Variants in GPC1 observed in about 807,000 individuals in gnomAD.
GPC1 encodes glypican-1.
Under a neutral mutation model 51.5 loss-of-function variants are expected in GPC1, and 26 were observed. The observed-to-expected ratio is 0.50, with a 90% CI of 0.37 to 0.70. The LOEUF (loss-of-function observed/expected upper bound fraction) is 0.70, where lower values mean the gene tolerates loss of function less well. GPC1 is among the 30% of genes least tolerant of loss of function. The pLI is 0.00. For missense variants in GPC1, 775 were observed against 800.5 expected, an observed-to-expected ratio of 0.97 and a Z score of 0.38; for synonymous variants, 380 against 348.3, an observed-to-expected ratio of 1.09 and a Z score of -1.01.
At chr2:240,444,357 G>C (rs2074036363) in intron 1 of GPC1, among the ~76,000 whole-genome samples, 1 of 152,206 alleles carries the variant, frequency 6.6e-6, no homozygotes, top group South Asian at 2.1e-4. Context: ...GAGAAACTTG[G>C]CTGGGGCTTC....
intron 1 of GPC1, chr2:240,456,620 G>A (rs754468947): frequency 2.1e-6 from 1 of 470,806 alleles, no homozygotes; most frequent in Admixed American, 2.3e-5. Context: ...GCTGACCTGT[G>A]CTCTCCTGGT....
chr2:240,442,604 G>T (rs1455968478), intron 1 of GPC1: 1 of 152,200 alleles, frequency 6.6e-6, no homozygotes, highest in Non-Finnish European at 1.5e-5. Flanking sequence ...ATTGGGTCAG[G>T]GCCCACCGGT....
intron 1 of GPC1, among the ~76,000 whole-genome samples, chr2:240,436,374 G>C (rs1574752475): frequency 6.6e-6 from 1 of 152,100 alleles, no homozygotes; most frequent in East Asian, 1.9e-4. Context: ...TGATCTCGCC[G>C]GGCTGCGGGC....
chr2:240,439,429 G>A (rs556477821), intron 1 of GPC1, among the ~76,000 whole-genome samples: 8 of 152,256 alleles, frequency 5.3e-5, no homozygotes, highest in Admixed American at 2.6e-4. Context: ...TGGGACTGTC[G>A]GTGGCACAGA....
chr2:240,464,736 T>G lies in GPC1; in HGVS notation c.1004T>G (p.Leu335Arg). The G allele has an allele frequency of 1.9e-6, 3 of 1,609,002 alleles. No individual in the cohort carries two copies. Among genetic ancestry groups the G allele is most frequent in the Non-Finnish European group, 1.7e-6 (2 of 1,178,128 alleles). The change falls in exon 5 of 9, where the codon CTC (leucine) becomes CGC (arginine). Residue 335 changes from leucine to arginine, a missense_variant. Coordinates refer to ENST00000264039, the MANE Select transcript of GPC1 (RefSeq NM_002081.3). ...INALQDNRDTLTAKVIQGCGN... is the reference protein window; with the variant it reads ...INALQDNRDTRTAKVIQGCGN... ...GCCCTCCAGGACAACAGGGACACGC[T>G]CACGGCCAAGGTGCGGGCAGGAGGA...
chr2:240,450,796 G>A (rs2074092149), intron 1 of GPC1: 2 of 469,954 alleles, frequency 4.3e-6, no homozygotes, highest in South Asian at 1.6e-5. Context: ...CAGTACCAGG[G>A]TACCAGGGCC....
At chr2:240,455,366 C>T (rs1457362659) in intron 1 of GPC1, among the ~76,000 whole-genome samples, 1 of 152,198 alleles carries the variant, frequency 6.6e-6, no homozygotes, top group Non-Finnish European at 1.5e-5. Context: ...AGAGAGGGTC[C>T]AGTCCCTGGC....
chr2:240,449,510 A>G, intron 1 of GPC1: 1 of 239,734 alleles, frequency 4.2e-6, no homozygotes, highest in South Asian at 5.9e-5. Flanking sequence ...CACCCCAGAT[A>G]TTTTTGGGGA....
intron 2 of GPC1, 92 bp downstream of exon 2, chr2:240,459,280 G>A (rs780918093): frequency 1.3e-4 from 159 of 1,227,172 alleles, no homozygotes; most frequent in Non-Finnish European, 1.7e-4. Context: ...TCAATGCCAA[G>A]GGTGGGGGAT....
intron 1 of GPC1, chr2:240,456,461 C>T (rs1302750152): frequency 1.0e-5 from 4 of 391,350 alleles, no homozygotes; most frequent in African/African-American, 2.1e-5. Flanking sequence ...TCCTGTGGCC[C>T]AGCCAGCCTG....
At position 240,462,265 on chromosome 2, in the gene GPC1, TA is replaced by T; in HGVS notation, c.401del (p.Tyr134SerfsTer118). 6.2e-7 allele frequency: 1 copy of T among 1,610,968 alleles called. No individual in the cohort carries two copies. Among genetic ancestry groups the T allele is most frequent in the Non-Finnish European group, 8.5e-7 (1 of 1,179,166 alleles). ...CTTCCCCGGCGCCTTCGGAGAGCTG[TA>T]CACGCAGAACGCGAGGGCCTTCCGG... is the stretch of plus-strand genomic sequence containing the variant. ...ATFPGAFGEL[Y>X]TQNARAFRDL... is the part of the protein sequence containing the mutation. On this transcript the variant is annotated frameshift_variant, in exon 3 of 9. Transcript: ENST00000264039. LOFTEE classifies it high-confidence loss of function.
At chr2:240,453,719 G>A (rs1299834718) in intron 1 of GPC1, among the ~76,000 whole-genome samples, 3 of 151,156 alleles carry the variant, frequency 2.0e-5, no homozygotes, top group Admixed American at 6.6e-5. Context: ...GCGCTGCTGC[G>A]TGTCCAGACC....
intron 1 of GPC1, among the ~76,000 whole-genome samples, chr2:240,436,648 A>G (rs2073986100): frequency 1.3e-5 from 2 of 152,308 alleles, no homozygotes; most frequent in Middle Eastern, 3.4e-3. Flanking sequence ...GGGTTTTATA[A>G]GCTGACCCCC....
chr2:240,465,055 T>C (rs2074249588), intron 6 of GPC1, 22 bp from the exon 7 acceptor site: 1 of 1,590,782 alleles, frequency 6.3e-7, no homozygotes, highest in South Asian at 1.1e-5. Flanking sequence ...GGCAGCCCAG[T>C]GGCCTGACTG....
chr2:240,457,421 G>A (rs1344274473), intron 1 of GPC1: 4 of 470,428 alleles, frequency 8.5e-6, no homozygotes, highest in Admixed American at 4.7e-5. Flanking sequence ...GTACTTAGAG[G>A]GTGCGGAAGA....
chr2:240,438,233 T>C (rs540787927), intron 1 of GPC1, among the ~76,000 whole-genome samples: 1 of 152,212 alleles, frequency 6.6e-6, no homozygotes, highest in South Asian at 2.1e-4. Flanking sequence ...TCGGTGCCCC[T>C]CCGACAGGAA....
In GPC1 at chr2:240,448,765, C is replaced by T. The variant is rs1452502211; in HGVS notation, c.167-10265C>T. The stretch of plus-strand genomic sequence containing the variant: ...TGACCGGCAGTTATCCCTCCCCGGA[C>T]GTGGCCTTGCAGACACCAGCCCAGC... On this transcript the variant is annotated intron_variant, in intron 1 of 8. Coordinates refer to ENST00000264039, the MANE Select transcript of GPC1 (RefSeq NM_002081.3). The surrounding 1 kb of genome is among the most constrained non-coding windows in gnomAD (Gnocchi z 4.5). Among the ~76,000 whole-genome samples the T allele has an allele frequency of 3.3e-5, 5 of 152,030 alleles. No homozygotes were observed. The highest frequency in any genetic ancestry group is 9.7e-5 in the African/African-American group (4 of 41,392).
chr2:240,456,375 G>T (rs568772700), intron 1 of GPC1, among the ~76,000 whole-genome samples: 1 of 152,164 alleles, frequency 6.6e-6, no homozygotes, highest in Non-Finnish European at 1.5e-5. Context: ...AGGAGGAGCC[G>T]GCGGGGGACG....
intron 1 of GPC1, among the ~76,000 whole-genome samples, chr2:240,455,305 C>T (rs1040739218): frequency 1.1e-4 from 17 of 152,154 alleles, no homozygotes; most frequent in African/African-American, 3.6e-4. Context: ...GGGAGGGGAG[C>T]GCTGTGGAAG....
Sources: gnomAD v4.1 joint callset for allele counts (sites outside exome capture counted in the v4.1 genomes callset) on GRCh38, gnomAD v4.1.1 for gene constraint, Gnocchi (gnomAD v3.1) non-coding constraint, MANE v1.5 for transcripts, NCBI Gene and HGNC (gene_info 2026-07-23, HGNC 2026-07-21) for gene names.